SH3GL2: variants seen among roughly 807,000 people sequenced by gnomAD.
The protein encoded by SH3GL2 is SH3 domain containing GRB2 like 2, endophilin A1.
Under a neutral mutation model 46.0 loss-of-function variants are expected in SH3GL2, and 24 were observed. The observed-to-expected ratio is 0.52, with a 90% CI of 0.38 to 0.73. The LOEUF (loss-of-function observed/expected upper bound fraction) is 0.73, where lower values mean the gene tolerates loss of function less well. Among genes scored for constraint, SH3GL2 ranks in the 30% least tolerant of loss-of-function variants. SH3GL2 has a pLI of 0.00. For missense variants in SH3GL2, 413 were observed against 424.2 expected (o/e 0.97, Z 0.23); for synonymous variants, 196 against 147.1 (o/e 1.33, Z -2.40).
At chr9:17,676,129 G>A (rs1820602991) in intron 1 of SH3GL2, among the ~76,000 whole-genome samples, 1 of 152,096 alleles carries the variant, frequency 6.6e-6, no homozygotes, top group Non-Finnish European at 1.5e-5. Context: ...GGGGCTATGG[G>A]TAGACCTAAG....
intron 8 of SH3GL2, among the ~76,000 whole-genome samples, chr9:17,794,382 GA>G (rs1563857872): frequency 6.6e-6 from 1 of 152,052 alleles, no homozygotes; most frequent in Non-Finnish European, 1.5e-5. Flanking sequence ...GACTTATTAA[GA>G]AAAAAAGCGA....
intron 1 of SH3GL2, among the ~76,000 whole-genome samples, chr9:17,705,704 A>G (rs1178371479): frequency 1.3e-5 from 2 of 152,106 alleles, no homozygotes; most frequent in African/African-American, 4.8e-5. Context: ...ACACAGGAAC[A>G]GAAAACAAAA....
At chr9:17,603,845 A>T (rs1158448040) in intron 1 of SH3GL2, among the ~76,000 whole-genome samples, 1 of 152,230 alleles carries the variant, frequency 6.6e-6, no homozygotes, top group Non-Finnish European at 1.5e-5. Flanking sequence ...AGCCTGGGCA[A>T]CAAGAGCGAA....
At chr9:17,708,795 C>T (rs1439853265) in intron 1 of SH3GL2, among the ~76,000 whole-genome samples, 1 of 151,894 alleles carries the variant, frequency 6.6e-6, no homozygotes, top group Non-Finnish European at 1.5e-5. Flanking sequence ...TATGCAAATC[C>T]AACCTGATTA....
chr9:17,725,382 G>A (rs57062313), intron 1 of SH3GL2, among the ~76,000 whole-genome samples: 4,418 of 152,168 alleles, frequency 0.029, 81 homozygotes, highest in African/African-American at 0.046. Flanking sequence ...TTGGTCCACC[G>A]TTTCACTTAT....
At chr9:17,655,560 T>C (rs1414114446) in intron 1 of SH3GL2, among the ~76,000 whole-genome samples, 5 of 152,240 alleles carry the variant, frequency 3.3e-5, no homozygotes, top group African/African-American at 1.2e-4. Flanking sequence ...AATAAATTTT[T>C]GTTACATTGC....
chr9:17,636,562 G>A (rs1819549341), intron 1 of SH3GL2, among the ~76,000 whole-genome samples: 1 of 152,168 alleles, frequency 6.6e-6, no homozygotes, highest in Non-Finnish European at 1.5e-5. Context: ...CAGTGTTGCT[G>A]TTTTGATAAT....
intron 3 of SH3GL2, among the ~76,000 whole-genome samples, chr9:17,763,216 A>G (rs1205668961): frequency 6.6e-6 from 1 of 152,182 alleles, no homozygotes; most frequent in Admixed American, 6.5e-5. Context: ...GTGGGAGCTC[A>G]TCAGTTTTCC....
At chr9:17,758,580 A>AAAAAAAC (rs1412275515) in intron 2 of SH3GL2, among the ~76,000 whole-genome samples, 2 of 141,768 alleles carry the variant, frequency 1.4e-5, no homozygotes, top group Non-Finnish European at 3.0e-5. Flanking sequence ...AAAAAAAAAA[A>AAAAAAAC]AAAAAAAAAA....
chr9:17,579,186 A>C lies in SH3GL2; in HGVS notation c.-57A>C, dbSNP rs1818223992. On this transcript the variant is annotated 5_prime_UTR_variant, in exon 1 of 9. Transcript: ENST00000380607. ...AGCGCGCCGCCCCGCTCGGCCCTCC[A>C]GTCCCCCTCCGCCTCCTCCCTCCCG... is the stretch of plus-strand genomic sequence containing the variant. The C allele has an allele frequency of 1.5e-6, 2 of 1,351,784 alleles. No homozygotes were observed. The highest frequency in any genetic ancestry group is 2.0e-6 in the Non-Finnish European group (2 of 993,676). The allele number at this position is 1,351,784 out of a possible 1,614,324, so 83.7% of individuals were successfully genotyped here.
In SH3GL2 at chr9:17,738,575, T is replaced by TAGAGAGAG. The variant is rs142654925; in HGVS notation, c.46-8479_46-8472dup. On this transcript the variant is annotated intron_variant, in intron 1 of 8. Transcript: ENST00000380607. ...GTGTGTATATACATACATATATATA[T>TAGAGAGAG]AGAGAGAGAGAGAGAGAGAATTTTA... 6.9e-4 allele frequency among the ~76,000 whole-genome samples: 75 copies of TAGAGAGAG among 108,262 alleles called. 1 individual carries two copies. The highest frequency in any genetic ancestry group is 4.7e-3 in the East Asian group (18 of 3,830). The allele number at this position is 108,262 out of a possible 152,430, so 71.0% of individuals were successfully genotyped here.
At chr9:17,689,264 A>T (rs966045592) in intron 1 of SH3GL2, among the ~76,000 whole-genome samples, 1 of 152,032 alleles carries the variant, frequency 6.6e-6, no homozygotes, top group Admixed American at 6.6e-5. Context: ...AACAAAGAAA[A>T]GTCTGAGAAA....
chr9:17,685,088 A>G (rs996364787), intron 1 of SH3GL2, among the ~76,000 whole-genome samples: 1 of 152,092 alleles, frequency 6.6e-6, no homozygotes, highest in Non-Finnish European at 1.5e-5. Flanking sequence ...ATATCAGCCA[A>G]GGTTTTCTAG....
At chr9:17,739,541 G>C (rs1343207366) in intron 1 of SH3GL2, among the ~76,000 whole-genome samples, 1 of 152,102 alleles carries the variant, frequency 6.6e-6, no homozygotes, top group African/African-American at 2.4e-5. Flanking sequence ...ATCCCTGCTT[G>C]CTGAACTGCC....
chr9:17,630,167 A>G (rs555616567), intron 1 of SH3GL2, among the ~76,000 whole-genome samples: 15 of 152,280 alleles, frequency 9.9e-5, no homozygotes, highest in African/African-American at 3.6e-4. Flanking sequence ...AATATTTTTG[A>G]GCAATAAGTG....
chr9:17,647,947 C>CATGAAG (rs536205726), intron 1 of SH3GL2, among the ~76,000 whole-genome samples: 2 of 152,150 alleles, frequency 1.3e-5, no homozygotes, highest in Admixed American at 1.3e-4. Flanking sequence ...GCCTACTCAA[C>CATGAAG]ATGAAGATGA....
At chr9:17,717,356 C>T (rs1253662789) in intron 1 of SH3GL2, among the ~76,000 whole-genome samples, 2 of 152,080 alleles carry the variant, frequency 1.3e-5, no homozygotes, top group East Asian at 3.9e-4. Context: ...TTTTACTAAC[C>T]TCCATCCAAA....
intron 2 of SH3GL2, among the ~76,000 whole-genome samples, chr9:17,758,157 C>G (rs1447339609): frequency 6.6e-6 from 1 of 152,184 alleles, no homozygotes; most frequent in East Asian, 1.9e-4. Context: ...GAGCTCCTTT[C>G]CCTTCTCTAG....
At chr9:17,630,183 A>G (rs1052095565) in intron 1 of SH3GL2, among the ~76,000 whole-genome samples, 11 of 152,226 alleles carry the variant, frequency 7.2e-5, no homozygotes, top group Non-Finnish European at 1.0e-4. Context: ...AAGTGAGCAC[A>G]TGAGTTGCTG....
Sources: allele counts gnomAD v4.1 joint callset (sites outside exome capture counted in the v4.1 genomes callset), GRCh38; gene constraint gnomAD v4.1.1; transcripts MANE v1.5; gene names NCBI Gene and HGNC (gene_info 2026-07-23, HGNC 2026-07-21).